Variants in NPHP1 observed in about 807,000 individuals in gnomAD.
NPHP1 encodes nephrocystin 1.
A neutral mutation model predicts 90.4 loss-of-function variants in NPHP1; 70 were observed. The observed-to-expected ratio is 0.77, with a 90% CI of 0.64 to 0.95. NPHP1 has a LOEUF of 0.95. Among genes scored for constraint, NPHP1 ranks in the 40% least tolerant of loss-of-function variants. The pLI is 0.00. For synonymous variants in NPHP1, 256 were observed against 271.7 expected (o/e 0.94, Z 0.57); for missense variants, 764 against 795.9 (o/e 0.96, Z 0.48).
intron 17 of NPHP1, among the ~76,000 whole-genome samples, chr2:110,130,169 G>T (rs1390933984): frequency 2.0e-5 from 3 of 152,100 alleles, no homozygotes; most frequent in Non-Finnish European, 4.4e-5. Flanking sequence ...CCACTCAAAG[G>T]CCCCACTTTT....
chr2:110,138,676 T>A (rs1303116850), intron 16 of NPHP1, among the ~76,000 whole-genome samples: 1 of 151,944 alleles, frequency 6.6e-6, no homozygotes, highest in Non-Finnish European at 1.5e-5. Context: ...AACATGCTCA[T>A]GTTCTGCCCT....
chr2:110,157,095 T>G (rs1322200994), intron 11 of NPHP1, among the ~76,000 whole-genome samples: 3 of 152,128 alleles, frequency 2.0e-5, no homozygotes, highest in Non-Finnish European at 4.4e-5. Context: ...TATTCATAAC[T>G]AGGCTTAGAT....
rs1348823226 is a variant in NPHP1, at chr2:110,123,917, A to G, written c.1908T>C (p.Leu636=). Residue 636 remains leucine, a synonymous_variant, in exon 20 of 20, where the codon CTT becomes CTC. Coordinates refer to ENST00000445609, the MANE Select transcript of NPHP1 (RefSeq NM_001128178.3). The part of the protein sequence containing the change: ...TARWKVITDF[L]KQNQENQGAL... ...CGCCCTGGTTTTCTTGGTTTTGCTTAAGGAAGTCAGTGATAACTTTCCACC... is the reference window on the plus strand; with the variant it reads ...CGCCCTGGTTTTCTTGGTTTTGCTTGAGGAAGTCAGTGATAACTTTCCACC... 1 of 1,613,970 alleles carries G rather than the reference A, an allele frequency of 6.2e-7. No homozygotes were observed. Among genetic ancestry groups the G allele is most frequent in the Non-Finnish European group, 8.5e-7 (1 of 1,180,016 alleles).
rs142958581 is a variant in NPHP1 at position 110,171,266 on chromosome 2, G to T, written c.330-1268C>A. ...CATTCAGCAAAGTTTAAATTTTGGG[G>T]AGCACCTACTGTGTGACAGACACTA... On this transcript the variant is annotated intron_variant, in intron 4 of 19. Coordinates refer to ENST00000445609, the MANE Select transcript of NPHP1 (RefSeq NM_001128178.3). Among the ~76,000 whole-genome samples, 822 of 152,216 alleles carry T rather than the reference G, an allele frequency of 5.4e-3. 13 individuals carry two copies. Among genetic ancestry groups the T allele is most frequent in the African/African-American group, 0.017 (702 of 41,550 alleles).
chr2:110,199,258 C>T (rs1685398162), intron 2 of NPHP1, among the ~76,000 whole-genome samples: 1 of 151,988 alleles, frequency 6.6e-6, no homozygotes, highest in Admixed American at 6.6e-5. Flanking sequence ...CATGGTGAAA[C>T]TCCGTCTCTA....
At position 110,187,788 on chromosome 2, in the gene NPHP1, T is replaced by A. The variant is rs1684401578; in HGVS notation, c.144-8104A>T. Among the ~76,000 whole-genome samples the A allele has an allele frequency of 1.3e-5, 2 of 152,026 alleles. 1 individual carries two copies. Among genetic ancestry groups the A allele is most frequent in the South Asian group, 4.2e-4 (2 of 4,818 alleles). ...CGCAACAAAATACTGGCAAACCGAA[T>A]CCAGCAGCACATCAAAAAGCTTATC... On this transcript the variant is annotated intron_variant, in intron 2 of 19. Transcript: ENST00000445609.
chr2:110,194,172 G>A (rs1684961374), intron 2 of NPHP1, among the ~76,000 whole-genome samples: 1 of 152,064 alleles, frequency 6.6e-6, no homozygotes, highest in Non-Finnish European at 1.5e-5. Context: ...CAGAACTGAA[G>A]GAGATAGAGA....
intron 14 of NPHP1, 72 bp downstream of exon 14, chr2:110,146,681 T>C: frequency 9.2e-7 from 1 of 1,090,260 alleles, no homozygotes; most frequent in Non-Finnish European, 1.4e-6. Context: ...AGAACAAACC[T>C]GAGGTATCAA....
At chr2:110,155,417 G>A (rs985879475) in intron 11 of NPHP1, among the ~76,000 whole-genome samples, 6 of 152,148 alleles carry the variant, frequency 3.9e-5, no homozygotes, top group African/African-American at 9.7e-5. Flanking sequence ...TGTGAGAAGA[G>A]GGCCACCATC....
intron 2 of NPHP1, among the ~76,000 whole-genome samples, chr2:110,195,609 C>T (rs1409357109): frequency 6.6e-6 from 1 of 152,106 alleles, no homozygotes; most frequent in African/African-American, 2.4e-5. Flanking sequence ...AATGCCATCC[C>T]CATCAAGCTA....
intron 10 of NPHP1, among the ~76,000 whole-genome samples, chr2:110,160,479 A>C (rs1682230059): frequency 6.6e-6 from 1 of 152,158 alleles, no homozygotes; most frequent in Non-Finnish European, 1.5e-5. Context: ...TTTCTTAAAT[A>C]CTTAAAAGCT....
At chr2:110,184,745 C>T (rs1684163079) in intron 2 of NPHP1, 1 of 717,606 alleles carries the variant, frequency 1.4e-6, no homozygotes, top group Non-Finnish European at 2.6e-6. Context: ...ACCCTCCTAC[C>T]TATCCATAAA....
intron 11 of NPHP1, among the ~76,000 whole-genome samples, chr2:110,157,596 C>T (rs964200976): frequency 2.0e-5 from 3 of 152,120 alleles, no homozygotes; most frequent in Non-Finnish European, 4.4e-5. Flanking sequence ...CACCATCCAT[C>T]CAGATGCGGA....
At chr2:110,162,059 A>C (rs1193870355) in intron 9 of NPHP1, among the ~76,000 whole-genome samples, 4 of 152,156 alleles carry the variant, frequency 2.6e-5, no homozygotes, top group African/African-American at 9.7e-5. Context: ...TCTTAACACA[A>C]AAGCATTTTA....
At chr2:110,166,354 C>G (rs1043862854) in intron 6 of NPHP1, among the ~76,000 whole-genome samples, 1 of 152,136 alleles carries the variant, frequency 6.6e-6, no homozygotes, top group Non-Finnish European at 1.5e-5. Context: ...CTTTTTCAAA[C>G]AAAATCCCTG....
At chr2:110,131,573 A>C (rs1679777706) in intron 17 of NPHP1, 106 bp downstream of exon 17, 1 of 730,818 alleles carries the variant, frequency 1.4e-6, no homozygotes, top group Non-Finnish European at 2.5e-6. Flanking sequence ...TAAATATTTT[A>C]TTCCAAAAGT....
chr2:110,139,308 C>A lies in NPHP1; in HGVS notation c.1529+4234G>T, dbSNP rs148060713. Among the ~76,000 whole-genome samples, 89 of 152,224 alleles carry A rather than the reference C, an allele frequency of 5.8e-4. 1 individual carries two copies. The Middle Eastern group carries it at 0.014, about 23-fold the overall frequency. ...TGAAAATCTGAAGTCAAATTCAGGG[C>A]TTTCCCTCCTCAGGGGTTTATACAC... is the stretch of plus-strand genomic sequence containing the variant. On this transcript the variant is annotated intron_variant, in intron 16 of 19. Transcript: ENST00000445609.
rs1467699576 is a variant in NPHP1 at position 110,160,771 on chromosome 2, G to A, written c.955-516C>T. On this transcript the variant is annotated intron_variant, in intron 10 of 19. Coordinates refer to ENST00000445609, the MANE Select transcript of NPHP1 (RefSeq NM_001128178.3). ...CTGCTTCATAGGTATAATTCAGATTGTGAGTAAATAAATTGGCATTCTGAT... is the reference window on the plus strand; with the variant it reads ...CTGCTTCATAGGTATAATTCAGATTATGAGTAAATAAATTGGCATTCTGAT... Among the ~76,000 whole-genome samples the A allele has an allele frequency of 2.0e-5, 3 of 152,196 alleles. No homozygotes were observed. The East Asian group carries it at 5.8e-4, about 29-fold the overall frequency.
At chr2:110,201,043 A>T (rs1685543654) in intron 2 of NPHP1, among the ~76,000 whole-genome samples, 2 of 152,220 alleles carry the variant, frequency 1.3e-5, no homozygotes, top group South Asian at 4.1e-4. Flanking sequence ...TTTAAGTAAA[A>T]ACAAATACAA....
Sources: allele counts gnomAD v4.1 joint callset (sites outside exome capture counted in the v4.1 genomes callset), GRCh38; gene constraint gnomAD v4.1.1; transcripts MANE v1.5; gene names NCBI Gene and HGNC (gene_info 2026-07-23, HGNC 2026-07-21).